CD2AP: variants seen among roughly 807,000 people sequenced by gnomAD.
The protein encoded by CD2AP is CD2 associated protein.
CD2AP carries 46 observed loss-of-function variants against 85.1 expected under a neutral mutation model. That is an observed-to-expected ratio of 0.54 (90% CI 0.43 to 0.69). The LOEUF (loss-of-function observed/expected upper bound fraction) is 0.69, where lower values mean the gene tolerates loss of function less well. Among genes scored for constraint, CD2AP ranks in the 30% least tolerant of loss-of-function variants. The pLI, the probability that CD2AP is intolerant of heterozygous loss-of-function variation, is 0.00. For missense variants in CD2AP, 769 were observed against 729.5 expected (o/e 1.05, Z -0.62); for synonymous variants, 255 against 252.9 (o/e 1.01, Z -0.08).
intron 11 of CD2AP, among the ~76,000 whole-genome samples, chr6:47,587,425 T>G (rs1334327964): frequency 1.4e-5 from 2 of 139,508 alleles, no homozygotes; most frequent in African/African-American, 5.1e-5. Context: ...GATAGGTGAT[T>G]AAACTCTCAC....
At chr6:47,602,313 G>A (rs1769162789) in intron 13 of CD2AP, among the ~76,000 whole-genome samples, 1 of 151,678 alleles carries the variant, frequency 6.6e-6, no homozygotes, top group Non-Finnish European at 1.5e-5. Context: ...GAGCTGTTAA[G>A]AACCATGCTT....
chr6:47,494,583 C>T (rs905848812), intron 1 of CD2AP, among the ~76,000 whole-genome samples: 5 of 152,086 alleles, frequency 3.3e-5, no homozygotes, highest in Non-Finnish European at 5.9e-5. Context: ...GGTTGTATTT[C>T]GCAGTGGTTA....
intron 5 of CD2AP, among the ~76,000 whole-genome samples, chr6:47,562,098 C>T (rs1299469337): frequency 6.6e-6 from 1 of 152,184 alleles, no homozygotes; most frequent in East Asian, 1.9e-4. Flanking sequence ...TTTAATTTTT[C>T]TTCCAAGTTT....
At chr6:47,522,539 A>G (rs991586143) in intron 2 of CD2AP, among the ~76,000 whole-genome samples, 1 of 152,222 alleles carries the variant, frequency 6.6e-6, no homozygotes, top group Admixed American at 6.5e-5. Flanking sequence ...ATTTAAAATG[A>G]AATTTTGATC....
intron 6 of CD2AP, among the ~76,000 whole-genome samples, 197 bp downstream of exon 6, chr6:47,574,448 T>G (rs769314023): frequency 2.6e-5 from 4 of 151,974 alleles, no homozygotes; most frequent in African/African-American, 4.8e-5. Context: ...TCTAATAAAA[T>G]TAGAATGCTT....
At chr6:47,508,235 A>G (rs1307958244) in intron 2 of CD2AP, among the ~76,000 whole-genome samples, 1 of 152,224 alleles carries the variant, frequency 6.6e-6, no homozygotes, top group Non-Finnish European at 1.5e-5. Context: ...TCTCCATTGA[A>G]AATCTGTTTA....
chr6:47,511,475 T>C (rs868801846), intron 2 of CD2AP, among the ~76,000 whole-genome samples: 6 of 152,288 alleles, frequency 3.9e-5, no homozygotes, highest in African/African-American at 1.2e-4. Flanking sequence ...AGTGGAAAAA[T>C]TGATTAAATC....
At position 47,616,082 on chromosome 6, in the gene CD2AP, C is replaced by CTTTTTTTTTTTTTTTTTTT. The variant is rs562350159; in HGVS notation, c.1878+3555_1878+3573dup. 6.3e-5 allele frequency among the ~76,000 whole-genome samples: 4 copies of CTTTTTTTTTTTTTTTTTTT among 63,810 alleles called. 2 individuals are homozygous for CTTTTTTTTTTTTTTTTTTT. The highest frequency in any genetic ancestry group is 1.4e-4 in the African/African-American group (2 of 13,794). 41.9% of individuals were successfully genotyped at this position (63,810 alleles called of 152,430 possible). The stretch of plus-strand genomic sequence containing the variant: ...GCAGGCATGAGCCACTGCGCCTGGC[C>CTTTTTTTTTTTTTTTTTTT]TTTTTTTTTTTTTTTTTTTTTTTTT... On this transcript the variant is annotated intron_variant, in intron 17 of 17. Coordinates refer to ENST00000359314, the MANE Select transcript of CD2AP (RefSeq NM_012120.3).
At chr6:47,613,888 C>A (rs969488284) in intron 17 of CD2AP, among the ~76,000 whole-genome samples, 1 of 152,202 alleles carries the variant, frequency 6.6e-6, no homozygotes, top group African/African-American at 2.4e-5. Context: ...TAACTTGCTG[C>A]AGCTTCTACA....
intron 11 of CD2AP, among the ~76,000 whole-genome samples, chr6:47,591,941 C>T (rs750643366): frequency 6.6e-6 from 1 of 152,094 alleles, no homozygotes; most frequent in Admixed American, 6.6e-5. Flanking sequence ...TCTCTCACCT[C>T]GGCCTCCAGA....
intron 4 of CD2AP, among the ~76,000 whole-genome samples, chr6:47,548,431 G>A (rs1767424683): frequency 6.6e-6 from 1 of 152,034 alleles, no homozygotes; most frequent in African/African-American, 2.4e-5. Flanking sequence ...ACTTTTTTCT[G>A]CACATAAACT....
intron 3 of CD2AP, among the ~76,000 whole-genome samples, chr6:47,533,966 A>T (rs1766961444): frequency 6.6e-6 from 1 of 152,250 alleles, no homozygotes; most frequent in South Asian, 2.1e-4. Context: ...TATAAATTAA[A>T]GCATGAGGCT....
At chr6:47,606,609 A>T (rs1355816347) in intron 14 of CD2AP, among the ~76,000 whole-genome samples, 2 of 151,866 alleles carry the variant, frequency 1.3e-5, no homozygotes, top group Non-Finnish European at 2.9e-5. Flanking sequence ...TTTAGGAAAG[A>T]TTGAGAAAAT....
At chr6:47,510,219 T>G (rs1766276987) in intron 2 of CD2AP, among the ~76,000 whole-genome samples, 1 of 152,228 alleles carries the variant, frequency 6.6e-6, no homozygotes, top group African/African-American at 2.4e-5. Context: ...GGAATGGTTT[T>G]GTATATATAT....
intron 6 of CD2AP, among the ~76,000 whole-genome samples, chr6:47,576,128 G>A (rs1466580820): frequency 6.6e-6 from 1 of 152,166 alleles, no homozygotes; most frequent in Non-Finnish European, 1.5e-5. Flanking sequence ...AGGCTGGAAT[G>A]CAGTGGTACA....
intron 8 of CD2AP, among the ~76,000 whole-genome samples, 200 bp from the exon 9 acceptor site, chr6:47,579,185 A>G (rs1582583882): frequency 6.6e-6 from 1 of 152,170 alleles, no homozygotes; most frequent in South Asian, 2.1e-4. Flanking sequence ...GGATCATTTG[A>G]GCCCAGAAGT....
At chr6:47,608,879 T>G (rs1582620809) in intron 15 of CD2AP, among the ~76,000 whole-genome samples, 1 of 152,134 alleles carries the variant, frequency 6.6e-6, no homozygotes, top group East Asian at 1.9e-4. Flanking sequence ...TTTGATGGAT[T>G]TTTCTTTCTT....
At chr6:47,602,728 GAAAA>G (rs778781978) in intron 13 of CD2AP, among the ~76,000 whole-genome samples, 143 of 133,398 alleles carry the variant, frequency 1.1e-3, no homozygotes, top group Middle Eastern at 3.9e-3. Context: ...TGTCTCTACA[GAAAA>G]AAAAAAAAAA....
At chr6:47,598,467 C>T (rs2114135125) in intron 12 of CD2AP, among the ~76,000 whole-genome samples, 1 of 150,996 alleles carries the variant, frequency 6.6e-6, no homozygotes, top group East Asian at 1.9e-4. Context: ...TTTATAGCAG[C>T]ACAATTCGCA....
Sources: gnomAD v4.1 joint callset for allele counts (sites outside exome capture counted in the v4.1 genomes callset) on GRCh38, gnomAD v4.1.1 for gene constraint, MANE v1.5 for transcripts, NCBI Gene and HGNC (gene_info 2026-07-23, HGNC 2026-07-21) for gene names.